Variants in ALK observed in about 807,000 individuals in gnomAD.
ALK encodes ALK receptor tyrosine kinase, also known as ALK tyrosine kinase receptor.
Under a neutral mutation model 163.1 loss-of-function variants are expected in ALK, and 74 were observed. That is an observed-to-expected ratio of 0.45 (90% CI 0.38 to 0.55). The LOEUF (loss-of-function observed/expected upper bound fraction) is 0.55. ALK is among the 20% of genes least tolerant of loss of function. The probability of loss-of-function intolerance (pLI) is 0.00; values close to 1 mark genes in which losing one functional copy is unlikely to be tolerated. For missense variants in ALK, 2,063 were observed against 2,105.3 expected (o/e 0.98, Z 0.39); for synonymous variants, 960 against 843.2 (o/e 1.14, Z -2.40).
At chr2:29,560,111 A>C (rs1248789107) in intron 3 of ALK, among the ~76,000 whole-genome samples, 1 of 152,242 alleles carries the variant, frequency 6.6e-6, no homozygotes, top group Non-Finnish European at 1.5e-5. Flanking sequence ...ACCCAAGTGC[A>C]ATGAAAACAT....
chr2:29,414,326 G>T (rs73923621), intron 4 of ALK, among the ~76,000 whole-genome samples: 2,111 of 152,302 alleles, frequency 0.014, 37 homozygotes, highest in African/African-American at 0.048. Flanking sequence ...AAAAATGCTA[G>T]AAGACCACTT....
At chr2:29,413,717 G>C (rs981285349) in intron 4 of ALK, among the ~76,000 whole-genome samples, 1 of 152,088 alleles carries the variant, frequency 6.6e-6, no homozygotes, top group African/African-American at 2.4e-5. Flanking sequence ...ATATTTAGTA[G>C]AGACAGGGTT....
chr2:29,649,326 C>A (rs1055300399), intron 3 of ALK, among the ~76,000 whole-genome samples: 9 of 151,766 alleles, frequency 5.9e-5, no homozygotes, highest in African/African-American at 2.2e-4. Flanking sequence ...AGACCCTCAC[C>A]CCACCTCACC....
At chr2:29,700,112 C>T (rs1043589409) in intron 2 of ALK, among the ~76,000 whole-genome samples, 3 of 152,210 alleles carry the variant, frequency 2.0e-5, no homozygotes, top group Admixed American at 1.3e-4. Context: ...ACCTACAGAC[C>T]ACTCAGCCTG....
At chr2:29,850,577 C>G (rs10178925) in intron 1 of ALK, among the ~76,000 whole-genome samples, 3,846 of 152,244 alleles carry the variant, frequency 0.025, 141 homozygotes, top group African/African-American at 0.081. Flanking sequence ...GCCTCAATCC[C>G]TTGCATGAGG....
chr2:29,476,093 C>T (rs1226876407), intron 4 of ALK, among the ~76,000 whole-genome samples: 1 of 152,302 alleles, frequency 6.6e-6, no homozygotes, highest in East Asian at 1.9e-4. Flanking sequence ...TCTAGAACAA[C>T]TTAGGATGCT....
intron 9 of ALK, among the ~76,000 whole-genome samples, chr2:29,295,212 G>A (rs1213748522): frequency 6.6e-6 from 1 of 152,150 alleles, no homozygotes; most frequent in South Asian, 2.1e-4. Context: ...AGGGAAGAAG[G>A]AGGCTGAGAA....
chr2:29,787,480 A>G (rs1047209573), intron 1 of ALK, among the ~76,000 whole-genome samples: 4 of 152,196 alleles, frequency 2.6e-5, no homozygotes, highest in South Asian at 2.1e-4. Context: ...TACACACATC[A>G]TGTATGTGAA....
intron 3 of ALK, among the ~76,000 whole-genome samples, chr2:29,641,427 C>T (rs1161839900): frequency 1.3e-5 from 2 of 152,086 alleles, no homozygotes; most frequent in Admixed American, 6.6e-5. Flanking sequence ...AGTGAACCAC[C>T]GCAAGTCCAG....
At chr2:29,709,371 A>G (rs4610003) in intron 2 of ALK, among the ~76,000 whole-genome samples, 27,216 of 152,042 alleles carry the variant, frequency 0.18, 6,300 homozygotes, top group African/African-American at 0.54. Context: ...TTGGGGGCTG[A>G]AAGGCTGTAG....
chr2:29,437,253 T>C (rs545342442), intron 4 of ALK, among the ~76,000 whole-genome samples: 1 of 152,146 alleles, frequency 6.6e-6, no homozygotes, highest in African/African-American at 2.4e-5. Flanking sequence ...CTCTTAGATA[T>C]GCTGAGTACA....
At chr2:29,665,118 C>T (rs1210550501) in intron 3 of ALK, among the ~76,000 whole-genome samples, 1 of 151,244 alleles carries the variant, frequency 6.6e-6, no homozygotes, top group Non-Finnish European at 1.5e-5. Context: ...CTCCTGCCTC[C>T]ACCCCCCAAG....
At chr2:29,859,537 G>A (rs553397530) in intron 1 of ALK, among the ~76,000 whole-genome samples, 2 of 152,306 alleles carry the variant, frequency 1.3e-5, no homozygotes, top group African/African-American at 2.4e-5. Context: ...GCAATGAGAA[G>A]TATAGTGAGT....
intron 3 of ALK, among the ~76,000 whole-genome samples, chr2:29,550,785 T>C (rs750478363): frequency 2.0e-5 from 3 of 152,152 alleles, no homozygotes; most frequent in Non-Finnish European, 4.4e-5. Flanking sequence ...TAAGAAAAAA[T>C]TTATCTGTAG....
intron 9 of ALK, among the ~76,000 whole-genome samples, chr2:29,294,695 C>T (rs187344082): frequency 3.1e-4 from 47 of 152,066 alleles, no homozygotes; most frequent in Admixed American, 2.3e-3. Flanking sequence ...TTCATTTAGT[C>T]TCATAACAAT....
chr2:29,488,726 G>A (rs1450984927), intron 4 of ALK, among the ~76,000 whole-genome samples: 1 of 152,190 alleles, frequency 6.6e-6, no homozygotes, highest in Admixed American at 6.5e-5. Flanking sequence ...CACGGTGTAT[G>A]TTCAAAGGGA....
chr2:29,594,130 C>G (rs1473826745), intron 3 of ALK, among the ~76,000 whole-genome samples: 1 of 151,974 alleles, frequency 6.6e-6, no homozygotes, highest in African/African-American at 2.4e-5. Context: ...TTATCCTGCC[C>G]AAAATGTCAA....
rs747643140 is a variant in ALK, at chr2:29,220,725, C to T, written c.3626G>A (p.Arg1209Gln). ...MAGGDLKSFL[R>Q]ETRPRPSQPS... The stretch of plus-strand genomic sequence containing the variant: ...ACTCACCGGGCGAGGGCGGGTCTCT[C>T]GGAGGAAGGACTTGAGGTCTCCCCC... The change falls in exon 23 of 29, where the codon CGA becomes CAA. Residue 1209 changes from arginine (R) to glutamine (Q), a missense_variant. This residue lies in a region of ALK where 575 missense variants were observed against 626.6 expected (regional missense o/e 0.92). Transcript: ENST00000389048. 1.3e-5 allele frequency: 21 copies of T among 1,613,630 alleles called. No homozygotes were observed. The highest frequency in any genetic ancestry group is 1.6e-4 in the Middle Eastern group (1 of 6,070).
At chr2:29,764,450 C>A (rs1174394773) in intron 1 of ALK, among the ~76,000 whole-genome samples, 1 of 152,174 alleles carries the variant, frequency 6.6e-6, no homozygotes, top group Non-Finnish European at 1.5e-5. Flanking sequence ...CAGTGAACGT[C>A]CCAAATCAGG....
Sources: gnomAD v4.1 joint callset for allele counts (sites outside exome capture counted in the v4.1 genomes callset) on GRCh38, gnomAD v4.1.1 for gene constraint, gnomAD v4.1.1 regional missense constraint, MANE v1.5 for transcripts, NCBI Gene and HGNC (gene_info 2026-07-23, HGNC 2026-07-21) for gene names.